UBE2D2: variants seen among roughly 807,000 people sequenced by gnomAD.
UBE2D2 encodes ubiquitin-conjugating enzyme E2 D2.
In UBE2D2, 2 loss-of-function variants were observed where a neutral mutation model predicts 24.2. The observed-to-expected ratio is 0.08, with a 90% CI of 0.03 to 0.26. UBE2D2 has a LOEUF of 0.26. Among genes scored for constraint, UBE2D2 ranks in the 10% least tolerant of loss-of-function variants. The pLI is 1.00. For synonymous variants in UBE2D2, 58 were observed against 56.5 expected, an observed-to-expected ratio of 1.03 and a Z score of -0.12; for missense variants, 44 against 177.6, an observed-to-expected ratio of 0.25 and a Z score of 4.28.
At chr5:139,535,387 C>T (rs1752655898) in intron 1 of UBE2D2, among the ~76,000 whole-genome samples, 1 of 151,580 alleles carries the variant, frequency 6.6e-6, no homozygotes. Context: ...ACCTGGGAGG[C>T]AGAGGTTGCA....
At chr5:139,572,706 C>T (rs1270589014) in intron 1 of UBE2D2, among the ~76,000 whole-genome samples, 5 of 149,282 alleles carry the variant, frequency 3.3e-5, no homozygotes, top group Admixed American at 1.3e-4. Context: ...AGTGCAATGG[C>T]GTGATCTCAG....
In UBE2D2 at chr5:139,549,231, T is replaced by C. The variant is rs576445732; in HGVS notation, c.-64+22619T>C. On this transcript the variant is annotated intron_variant, in intron 1 of 6. Coordinates refer to the UBE2D2 transcript ENST00000511725. ...TCTGGGCGCCTCCTCGGCCTCGGCG[T>C]CCACTCTGGCTGCGCTTGAGGAGCC... 1.2e-4 allele frequency among the ~76,000 whole-genome samples: 18 copies of C among 152,212 alleles called. No individual in the cohort carries two copies. In the East Asian group the frequency reaches 3.3e-3, roughly 28 times the overall value.
intron 5 of UBE2D2, among the ~76,000 whole-genome samples, chr5:139,617,314 C>T (rs967021948): frequency 1.7e-4 from 26 of 150,324 alleles, no homozygotes; most frequent in Non-Finnish European, 3.1e-4. Flanking sequence ...GTTGAGTGTC[C>T]AGAAATAGAC....
At chr5:139,622,126 C>G (rs1231468661) in intron 5 of UBE2D2, among the ~76,000 whole-genome samples, 2 of 152,216 alleles carry the variant, frequency 1.3e-5, no homozygotes, top group East Asian at 3.8e-4. Flanking sequence ...ACTCTTCTTA[C>G]ATCATGGGAT....
At chr5:139,581,356 G>A (rs1037555299) in intron 1 of UBE2D2, among the ~76,000 whole-genome samples, 2 of 152,016 alleles carry the variant, frequency 1.3e-5, no homozygotes, top group African/African-American at 2.4e-5. Flanking sequence ...GGCTGAGGCA[G>A]GATAATCGCT....
chr5:139,547,013 G>A (rs1017250242), intron 1 of UBE2D2, among the ~76,000 whole-genome samples: 10 of 151,338 alleles, frequency 6.6e-5, no homozygotes, highest in Admixed American at 2.0e-4. Flanking sequence ...CCTGCCGGCC[G>A]GGCAAGGTGG....
Position 139,578,697 on chromosome 5 carries a change from C to T in UBE2D2, c.24+16882C>T, listed in dbSNP as rs1753535120. Among the ~76,000 whole-genome samples the T allele has an allele frequency of 2.0e-5, 3 of 152,100 alleles. No individual in the cohort carries two copies. In the South Asian group the frequency reaches 6.2e-4, roughly 31 times the overall value. ...CAAACTCCTGTATTCAAGTGATCCT[C>T]CTGCCCCAGCTTCCTAAAGTGCTGG... On this transcript the variant is annotated intron_variant, in intron 1 of 6. Coordinates refer to ENST00000398733, the MANE Select transcript of UBE2D2 (RefSeq NM_003339.3).
chr5:139,571,329 C>T (rs1033359026), intron 1 of UBE2D2, among the ~76,000 whole-genome samples: 6 of 151,766 alleles, frequency 4.0e-5, no homozygotes, highest in South Asian at 2.1e-4. Context: ...ATCACTTGAA[C>T]CCAAGAGGCG....
In UBE2D2 at chr5:139,561,494, GT is replaced by G. The variant is rs1753088044; in HGVS notation, c.-295del. 5.3e-6 allele frequency: 2 copies of G among 379,490 alleles called. No homozygotes were observed. The highest frequency in any genetic ancestry group is 1.6e-4 in the South Asian group (2 of 12,430). 23.5% of individuals were successfully genotyped at this position (379,490 alleles called of 1,614,324 possible). ...CTTTCTGGCGGAGGGATCTGCGGCG[GT>G]TTAGGAGGCGGCGCTGATCCTGGGA... On this transcript the variant is annotated 5_prime_UTR_variant, in exon 1 of 7. Transcript: ENST00000398733.
At position 139,627,822 on chromosome 5, in the gene UBE2D2, A is replaced by G. The variant is rs1344446829; in HGVS notation, c.*1021A>G. On this transcript the variant is annotated 3_prime_UTR_variant, in exon 7 of 7. Coordinates refer to ENST00000398733, the MANE Select transcript of UBE2D2 (RefSeq NM_003339.3). Reference sequence around the variant, plus strand: ...AAGATCATGAAACAATTCCAGTTACATTGTAAAAAGGATATCTTACGAGTA... The same window carrying G: ...AAGATCATGAAACAATTCCAGTTACGTTGTAAAAAGGATATCTTACGAGTA... 3 of 152,690 alleles carry G rather than the reference A, an allele frequency of 2.0e-5. No homozygotes were observed. 9.5% of individuals were successfully genotyped at this position (152,690 alleles called of 1,614,324 possible). A position where few individuals can be genotyped will look rare whatever the true frequency, so the allele number is the denominator to read the frequency against.
chr5:139,588,415 A>G (rs1354386642), intron 1 of UBE2D2, among the ~76,000 whole-genome samples: 1 of 152,110 alleles, frequency 6.6e-6, no homozygotes, highest in Non-Finnish European at 1.5e-5. Flanking sequence ...AGCTGGGGCT[A>G]CAGGAATGTG....
intron 5 of UBE2D2, among the ~76,000 whole-genome samples, chr5:139,622,486 AC>A (rs922192251): frequency 6.8e-6 from 1 of 146,914 alleles, no homozygotes; most frequent in South Asian, 2.2e-4. Context: ...CTCGTGATCC[AC>A]CCCCCTCCGC....
At chr5:139,542,635 T>C (rs932562693) in intron 1 of UBE2D2, among the ~76,000 whole-genome samples, 3 of 151,914 alleles carry the variant, frequency 2.0e-5, no homozygotes, top group Non-Finnish European at 4.4e-5. Context: ...ATGACATAGT[T>C]TTGACAAATA....
intron 1 of UBE2D2, among the ~76,000 whole-genome samples, chr5:139,564,184 A>G (rs1213716223): frequency 6.6e-6 from 1 of 152,094 alleles, no homozygotes; most frequent in Non-Finnish European, 1.5e-5. Context: ...ATAGAGTTTC[A>G]GTCTTGTCGC....
intron 1 of UBE2D2, among the ~76,000 whole-genome samples, chr5:139,575,929 A>G (rs947077493): frequency 6.6e-6 from 1 of 152,186 alleles, no homozygotes; most frequent in Non-Finnish European, 1.5e-5. Context: ...GAGGTGGAAG[A>G]GGAGGATCTC....
chr5:139,532,140 A>G (rs1752604706), intron 1 of UBE2D2, among the ~76,000 whole-genome samples: 1 of 151,596 alleles, frequency 6.6e-6, no homozygotes, highest in South Asian at 2.1e-4. Flanking sequence ...ATATCCTTTG[A>G]CATAGCAATA....
intron 1 of UBE2D2, among the ~76,000 whole-genome samples, chr5:139,554,615 CA>C (rs1266990163): frequency 1.3e-5 from 2 of 152,080 alleles, no homozygotes; most frequent in Non-Finnish European, 2.9e-5. Context: ...GGACTATATA[CA>C]AAAAAGGCTG....
At position 139,561,563 on chromosome 5, in the gene UBE2D2, G is replaced by A. The variant is rs1753093400; in HGVS notation, c.-229G>A. On this transcript the variant is annotated 5_prime_UTR_variant, in exon 1 of 7. Transcript: ENST00000398733. Reference sequence around the variant, plus strand: ...CGGCGGCGGCGGTGGCGGCTAGGGCGGCGGCGAATAAAGGGGCCGCCGCCG... The same window carrying A: ...CGGCGGCGGCGGTGGCGGCTAGGGCAGCGGCGAATAAAGGGGCCGCCGCCG... 7.1e-6 allele frequency: 3 copies of A among 421,248 alleles called. No homozygotes were observed. Among genetic ancestry groups the A allele is most frequent in the African/African-American group, 6.2e-5 (3 of 48,608 alleles). The allele number at this position is 421,248 out of a possible 1,614,324, so 26.1% of individuals were successfully genotyped here.
chr5:139,531,953 C>T (rs1172238736), intron 1 of UBE2D2, among the ~76,000 whole-genome samples: 1 of 150,270 alleles, frequency 6.7e-6, no homozygotes, highest in Non-Finnish European at 1.5e-5. Flanking sequence ...TGCAGCTGCA[C>T]TCCACCCTGG....
Sources: gnomAD v4.1 joint callset for allele counts (sites outside exome capture counted in the v4.1 genomes callset) on GRCh38, gnomAD v4.1.1 for gene constraint, MANE v1.5 for transcripts, NCBI Gene and HGNC (gene_info 2026-07-23, HGNC 2026-07-21) for gene names.